RIPOR3: variants seen among roughly 807,000 people sequenced by gnomAD.
RIPOR3 encodes family with sequence similarity 65 member C.
In RIPOR3, 95 loss-of-function variants were observed where a neutral mutation model predicts 114.3. That is an observed-to-expected ratio of 0.83 (90% CI 0.70 to 0.99). The LOEUF (loss-of-function observed/expected upper bound fraction) is 0.99, where lower values mean the gene tolerates loss of function less well. Ranked by LOEUF, RIPOR3 falls within the 50% of genes least tolerant of loss-of-function variation. The pLI is 0.00. For missense variants in RIPOR3, 1,252 were observed against 1,266.9 expected, an observed-to-expected ratio of 0.99 and a Z score of 0.18; for synonymous variants, 575 against 543.8, an observed-to-expected ratio of 1.06 and a Z score of -0.80.
At chr20:50,629,882 C>CA (rs1167023254) in intron 2 of RIPOR3, among the ~76,000 whole-genome samples, 3 of 152,210 alleles carry the variant, frequency 2.0e-5, no homozygotes, top group Non-Finnish European at 4.4e-5. Flanking sequence ...GTGGAAGACC[C>CA]AACCCTGGGC....
At chr20:50,630,617 A>C in intron 2 of RIPOR3, 121 bp downstream of exon 2, 1 of 745,416 alleles carries the variant, frequency 1.3e-6, no homozygotes, top group Non-Finnish European at 2.2e-6. Context: ...CTCGGGCTGC[A>C]AGCCGGCCTG....
At chr20:50,594,468 A>C in intron 17 of RIPOR3, 85 bp downstream of exon 17, 1 of 1,477,282 alleles carries the variant, frequency 6.8e-7, no homozygotes, top group Non-Finnish European at 9.2e-7. Context: ...GGCTGAAATG[A>C]GGCCAGCTGT....
chr20:50,590,581 T>C (rs1306408954), intron 19 of RIPOR3, among the ~76,000 whole-genome samples: 1 of 152,196 alleles, frequency 6.6e-6, no homozygotes. Flanking sequence ...GAAGACAGAC[T>C]GGGAGTAGGA....
chr20:50,638,140 A>C (rs548504083), intron 1 of RIPOR3, among the ~76,000 whole-genome samples: 1 of 152,202 alleles, frequency 6.6e-6, no homozygotes, highest in African/African-American at 2.4e-5. Context: ...CATCCTCCAG[A>C]ACCACCTGGA....
chr20:50,608,838 T>C, intron 9 of RIPOR3, 74 bp downstream of exon 9: 1 of 1,611,012 alleles, frequency 6.2e-7, no homozygotes, highest in Non-Finnish European at 8.5e-7. Context: ...GCTGCAACCC[T>C]GGTTCCCAGC....
chr20:50,642,323 T>C (rs1206021402), intron 1 of RIPOR3, among the ~76,000 whole-genome samples: 1 of 150,786 alleles, frequency 6.6e-6, no homozygotes, highest in Non-Finnish European at 1.5e-5. Flanking sequence ...CCTCACCTTT[T>C]AATCTTAAAT....
chr20:50,623,706 A>G (rs1220942179), intron 2 of RIPOR3, among the ~76,000 whole-genome samples: 6 of 151,030 alleles, frequency 4.0e-5, no homozygotes, highest in Non-Finnish European at 8.8e-5. Flanking sequence ...TGACACCACA[A>G]GCCCAAGGGC....
chr20:50,630,821 G>C lies in RIPOR3; in HGVS notation c.39C>G (p.Ser13=), dbSNP rs750985462. 1 of 1,609,990 alleles carries C rather than the reference G, an allele frequency of 6.2e-7. No homozygotes were observed. The highest frequency in any genetic ancestry group is 1.7e-5 in the Admixed American group (1 of 59,584). Residue 13 remains serine (S), a synonymous_variant, in exon 2 of 22, where the codon TCC becomes TCG. Coordinates refer to ENST00000327979, the MANE Select transcript of RIPOR3 (RefSeq NM_001290268.2). ...TTMSVRLRFL[S]PGDTGAVGVV... ...CCCCCACGGCCCCTGTGTCCCCAGG[G>C]GACAGGAACCGCAACCTCACCGACA...
At chr20:50,589,653 T>C (rs879377013) in intron 20 of RIPOR3, 33 bp downstream of exon 20, 108 of 1,606,626 alleles carry the variant, frequency 6.7e-5, no homozygotes, top group Non-Finnish European at 9.0e-5. Context: ...CAGGCTTTTC[T>C]ATCAGCCACT....
intron 1 of RIPOR3, among the ~76,000 whole-genome samples, chr20:50,686,095 GC>G (rs1285265259): frequency 6.6e-6 from 1 of 151,926 alleles, no homozygotes; most frequent in East Asian, 1.9e-4. Context: ...TCGCTCTGTT[GC>G]CCCAGGCTGG....
intron 1 of RIPOR3, among the ~76,000 whole-genome samples, chr20:50,663,771 GT>G (rs2086088826): frequency 6.6e-6 from 1 of 151,996 alleles, no homozygotes. Flanking sequence ...CCAGCCATTT[GT>G]CCCCCCATCC....
At chr20:50,675,835 T>C (rs2086660607) in intron 1 of RIPOR3, among the ~76,000 whole-genome samples, 1 of 152,142 alleles carries the variant, frequency 6.6e-6, no homozygotes, top group Non-Finnish European at 1.5e-5. Context: ...AAATGTCTGC[T>C]CATTCATTTG....
intron 1 of RIPOR3, among the ~76,000 whole-genome samples, chr20:50,670,676 G>A (rs2086445714): frequency 6.6e-6 from 1 of 152,152 alleles, no homozygotes; most frequent in Non-Finnish European, 1.5e-5. Context: ...GTTAGTAGGC[G>A]CTCAGTAAAC....
At chr20:50,608,359 T>A (rs1389549209) in intron 11 of RIPOR3, 30 bp downstream of exon 11, 1 of 1,612,600 alleles carries the variant, frequency 6.2e-7, no homozygotes, top group African/African-American at 1.3e-5. Flanking sequence ...CAGCCAGGCC[T>A]CCGCTCTCCC....
intron 1 of RIPOR3, chr20:50,645,614 C>G (rs1400120439): frequency 6.5e-6 from 1 of 152,876 alleles, no homozygotes. Flanking sequence ...CAAGCCCATC[C>G]CCGCTCCCTC....
intron 1 of RIPOR3, among the ~76,000 whole-genome samples, chr20:50,647,638 A>G (rs2085456543): frequency 6.6e-6 from 1 of 151,550 alleles, no homozygotes; most frequent in Non-Finnish European, 1.5e-5. Flanking sequence ...GCCCGCTACC[A>G]TGCCCGGCTA....
chr20:50,592,215 T>G (rs1287863828), intron 19 of RIPOR3, 129 bp downstream of exon 19: 2 of 907,022 alleles, frequency 2.2e-6, no homozygotes, highest in Non-Finnish European at 3.1e-6. Context: ...CCCAGGTCCC[T>G]CCATCAAAAT....
chr20:50,683,479 G>T, intron 1 of RIPOR3, among the ~76,000 whole-genome samples: 1 of 149,014 alleles, frequency 6.7e-6, no homozygotes. Flanking sequence ...TTGAGACGGA[G>T]TCTCACTCCA....
At chr20:50,607,830 C>T (rs953539338) in intron 11 of RIPOR3, among the ~76,000 whole-genome samples, 8 of 152,186 alleles carry the variant, frequency 5.3e-5, no homozygotes, top group African/African-American at 1.9e-4. Context: ...CCTCAGCCCT[C>T]CCTTCTGCTG....
Sources: gnomAD v4.1 joint callset for allele counts (sites outside exome capture counted in the v4.1 genomes callset) on GRCh38, gnomAD v4.1.1 for gene constraint, MANE v1.5 for transcripts, NCBI Gene and HGNC (gene_info 2026-07-23, HGNC 2026-07-21) for gene names.